The following PAN3 variants were observed in gnomAD, a reference collection of about 807,000 sequenced individuals.
The protein encoded by PAN3 is PAN2-PAN3 deadenylation complex subunit PAN3.
Under a neutral mutation model 96.2 loss-of-function variants are expected in PAN3, and 19 were observed. The ratio of observed to expected loss-of-function variants is 0.20; its 90% CI spans 0.14 to 0.29. The LOEUF (loss-of-function observed/expected upper bound fraction) is 0.29, where lower values mean the gene tolerates loss of function less well. PAN3 is among the 10% of genes least tolerant of loss of function. The pLI is 1.00. For missense variants in PAN3, 882 were observed against 1,108.1 expected, an observed-to-expected ratio of 0.80 and a Z score of 2.90; for synonymous variants, 433 against 406.6, an observed-to-expected ratio of 1.06 and a Z score of -0.78.
At chr13:28,225,298 C>T (rs1462004157) in intron 6 of PAN3, among the ~76,000 whole-genome samples, 2 of 151,996 alleles carry the variant, frequency 1.3e-5, no homozygotes, top group African/African-American at 4.8e-5. Context: ...ACGTTGTAGA[C>T]TAAAAATAGT....
chr13:28,266,086 G>GT (rs1432842452), intron 9 of PAN3, among the ~76,000 whole-genome samples: 1 of 151,700 alleles, frequency 6.6e-6, no homozygotes, highest in Non-Finnish European at 1.5e-5. Context: ...TAAAAATAGT[G>GT]TTAAACATGT....
intron 3 of PAN3, 69 bp downstream of exon 3, chr13:28,176,628 C>G: frequency 7.0e-7 from 1 of 1,438,378 alleles, no homozygotes; most frequent in East Asian, 2.3e-5. Flanking sequence ...TAATATACAA[C>G]CATTGTAGAA....
At chr13:28,284,519 A>C (rs1472089522) in intron 17 of PAN3, among the ~76,000 whole-genome samples, 1 of 152,128 alleles carries the variant, frequency 6.6e-6, no homozygotes, top group Non-Finnish European at 1.5e-5. Context: ...ATTATGAAGG[A>C]ACTATTTCAT....
At chr13:28,274,926 A>G (rs1480455831) in intron 14 of PAN3, among the ~76,000 whole-genome samples, 1 of 152,178 alleles carries the variant, frequency 6.6e-6, no homozygotes, top group African/African-American at 2.4e-5. Flanking sequence ...TTTGTTTCAG[A>G]CACGTGAATA....
intron 1 of PAN3, among the ~76,000 whole-genome samples, chr13:28,148,698 C>T (rs906536086): frequency 2.0e-5 from 3 of 152,128 alleles, no homozygotes; most frequent in African/African-American, 7.2e-5. Flanking sequence ...GTTTATATTT[C>T]TCTATGTCTA....
At chr13:28,215,437 T>G (rs539275330) in intron 5 of PAN3, 40 of 703,264 alleles carry the variant, frequency 5.7e-5, no homozygotes, top group Non-Finnish European at 8.9e-5. Context: ...CATTATGGGC[T>G]TCAATGTTAT....
At chr13:28,261,316 T>G in intron 8 of PAN3, 85 bp from the exon 9 acceptor site, 2 of 920,320 alleles carry the variant, frequency 2.2e-6, no homozygotes, top group Non-Finnish European at 1.6e-6. Flanking sequence ...CCAAAAATAT[T>G]AATACTTAGG....
intron 5 of PAN3, among the ~76,000 whole-genome samples, chr13:28,207,586 G>C (rs1879526172): frequency 6.6e-6 from 1 of 152,052 alleles, no homozygotes. Context: ...ATTCACCTTG[G>C]TTGATGTACC....
intron 7 of PAN3, among the ~76,000 whole-genome samples, chr13:28,258,126 G>A (rs1029447009): frequency 2.0e-5 from 3 of 151,948 alleles, no homozygotes; most frequent in Non-Finnish European, 4.4e-5. Context: ...CCTAAACTAT[G>A]CTATCTTATG....
In PAN3 at chr13:28,255,709, C is replaced by T. The variant is rs1422290751; in HGVS notation, c.1001-583C>T. Among the ~76,000 whole-genome samples the T allele has an allele frequency of 2.0e-5, 3 of 150,570 alleles. No individual in the cohort carries two copies. In the East Asian group the frequency reaches 5.8e-4, roughly 29 times the overall value. The stretch of plus-strand genomic sequence containing the variant: ...CATCAAAACAACAGACTGCTTGATA[C>T]TAAAAATATGGCACTTAAGCTGCTA... On this transcript the variant is annotated intron_variant, in intron 6 of 18. Coordinates refer to ENST00000380958, the MANE Select transcript of PAN3 (RefSeq NM_175854.8).
chr13:28,265,131 A>G (rs1886051367), intron 9 of PAN3, among the ~76,000 whole-genome samples: 1 of 152,246 alleles, frequency 6.6e-6, no homozygotes, highest in Admixed American at 6.5e-5. Flanking sequence ...TAACTTCCTT[A>G]TGGACATTAT....
chr13:28,283,940 C>T (rs1226740011), intron 17 of PAN3, among the ~76,000 whole-genome samples: 2 of 152,142 alleles, frequency 1.3e-5, no homozygotes, highest in Non-Finnish European at 2.9e-5. Context: ...GTTTATTCCC[C>T]AGTTCCCTAT....
intron 5 of PAN3, among the ~76,000 whole-genome samples, chr13:28,212,805 A>G (rs891949071): frequency 2.0e-5 from 3 of 152,224 alleles, no homozygotes; most frequent in Admixed American, 2.0e-4. Flanking sequence ...CACGCAGAGA[A>G]AATGTGAGCC....
chr13:28,260,313 G>T, intron 7 of PAN3, 134 bp from the exon 8 acceptor site: 1 of 572,352 alleles, frequency 1.7e-6, no homozygotes, highest in Non-Finnish European at 3.1e-6. Flanking sequence ...AGAATCACTT[G>T]AACCCGGGAG....
chr13:28,158,625 C>T (rs1159579873), intron 1 of PAN3, among the ~76,000 whole-genome samples: 2 of 152,180 alleles, frequency 1.3e-5, no homozygotes, highest in Non-Finnish European at 2.9e-5. Context: ...CGCCTGTAAT[C>T]CCAGCACTTT....
intron 6 of PAN3, among the ~76,000 whole-genome samples, chr13:28,232,315 T>C (rs1882655390): frequency 6.6e-6 from 1 of 152,124 alleles, no homozygotes; most frequent in African/African-American, 2.4e-5. Flanking sequence ...AATCCAAGGT[T>C]CAGTTTACCC....
At chr13:28,214,193 C>T (rs951164180) in intron 5 of PAN3, among the ~76,000 whole-genome samples, 6 of 152,146 alleles carry the variant, frequency 3.9e-5, no homozygotes, top group Admixed American at 6.5e-5. Flanking sequence ...TTCACTGCTA[C>T]GTTTTTAACC....
chr13:28,200,294 C>G (rs1273814827), intron 5 of PAN3, among the ~76,000 whole-genome samples: 2 of 152,178 alleles, frequency 1.3e-5, no homozygotes, highest in Non-Finnish European at 2.9e-5. Context: ...GTCATTTTTC[C>G]TTGTGCTTCA....
At chr13:28,187,089 G>T (rs761877266) in intron 4 of PAN3, among the ~76,000 whole-genome samples, 26 of 152,028 alleles carry the variant, frequency 1.7e-4, no homozygotes, top group Non-Finnish European at 2.9e-4. Flanking sequence ...CACTTTGGGA[G>T]GCTGAGGTGG....
Sources: gnomAD v4.1 joint callset for allele counts (sites outside exome capture counted in the v4.1 genomes callset) on GRCh38, gnomAD v4.1.1 for gene constraint, MANE v1.5 for transcripts, NCBI Gene and HGNC (gene_info 2026-07-23, HGNC 2026-07-21) for gene names.